CACNA1C: variants seen among roughly 807,000 people sequenced by gnomAD.
CACNA1C encodes voltage-dependent L-type calcium channel subunit alpha-1C.
A neutral mutation model predicts 229.0 loss-of-function variants in CACNA1C; 30 were observed. The ratio of observed to expected loss-of-function variants is 0.13; its 90% CI spans 0.10 to 0.18. The LOEUF (loss-of-function observed/expected upper bound fraction) is 0.18, where lower values mean the gene tolerates loss of function less well. Ranked by LOEUF, CACNA1C falls within the 10% of genes least tolerant of loss-of-function variation. CACNA1C has a pLI of 1.00. For missense variants in CACNA1C, 1,658 were observed against 2,845.0 expected, an observed-to-expected ratio of 0.58 and a Z score of 9.49; for synonymous variants, 1,114 against 1,132.5, an observed-to-expected ratio of 0.98 and a Z score of 0.33.
At chr12:2,005,467 AAAAT>A (rs1188140058) in intron 1 of CACNA1C, among the ~76,000 whole-genome samples, 1 of 152,254 alleles carries the variant, frequency 6.6e-6, no homozygotes, top group Admixed American at 6.5e-5. Context: ...CATTTTTCTG[AAAAT>A]AAATAAAGTG....
At chr12:2,175,483 G>T (rs764850498) in intron 3 of CACNA1C, among the ~76,000 whole-genome samples, 1 of 149,826 alleles carries the variant, frequency 6.7e-6, no homozygotes, top group South Asian at 2.2e-4. Context: ...TTCAGGTTCC[G>T]TTTGTTTTGA....
intron 5 of CACNA1C, among the ~76,000 whole-genome samples, chr12:2,474,055 TAGAG>T (rs1393559885): frequency 6.6e-6 from 1 of 152,120 alleles, no homozygotes; most frequent in East Asian, 1.9e-4. Context: ...AAAAAATCAT[TAGAG>T]AGGTATAATT....
intron 1 of CACNA1C, among the ~76,000 whole-genome samples, chr12:2,095,894 C>T (rs2073728733): frequency 6.6e-6 from 1 of 152,202 alleles, no homozygotes; most frequent in Non-Finnish European, 1.5e-5. Flanking sequence ...TTTCATCATT[C>T]ACCATCATTG....
rs2097838010 is a variant in CACNA1C at position 2,695,809 on chromosome 12, CT to C, written c.*4614del. ...TTATTCTTATGTCAAAGCAATGAAA[CT>C]TTTCTTTCTGGAGCCAGATACCAAT... On this transcript the variant is annotated 3_prime_UTR_variant, in exon 47 of 47. Transcript: ENST00000399655. 1 of 152,192 alleles carries C rather than the reference CT, an allele frequency of 6.6e-6. No individual in the cohort carries two copies. Among genetic ancestry groups the C allele is most frequent in the Admixed American group, 6.5e-5 (1 of 15,282 alleles). The allele number at this position is 152,192 out of a possible 1,614,324, so 9.4% of individuals were successfully genotyped here. A position where few individuals can be genotyped will look rare whatever the true frequency, so the allele number is the denominator to read the frequency against.
rs189188916 is a variant in CACNA1C at position 2,178,674 on chromosome 12, C to T, written c.477+58244C>T. Among the ~76,000 whole-genome samples the T allele has an allele frequency of 1.3e-4, 20 of 152,246 alleles. No individual in the cohort carries two copies. In the East Asian group the frequency reaches 3.7e-3, roughly 28 times the overall value. ...CTTCCTTCATGACCGGGTTCCCACT[C>T]GGGAGCCTTTGGAACCGCTTGAGTA... On this transcript the variant is annotated intron_variant, in intron 3 of 46. Transcript: ENST00000399655.
intron 3 of CACNA1C, among the ~76,000 whole-genome samples, chr12:2,286,825 C>T (rs1469304183): frequency 1.3e-5 from 2 of 152,220 alleles, no homozygotes; most frequent in African/African-American, 4.8e-5. Context: ...GAGCAATGCT[C>T]ATAACAGGAG....
Position 2,654,308 on chromosome 12 carries a change from A to G in CACNA1C, c.4140+408A>G. The stretch of plus-strand genomic sequence containing the variant: ...GTCTGATGGGCCTGAGAGTTACCCC[A>G]ACCAGATTCATTTGAAGCTAATGGC... On this transcript the variant is annotated intron_variant, in intron 33 of 46. Transcript: ENST00000399655. The surrounding 1 kb of genome is among the most constrained non-coding windows in gnomAD (Gnocchi z 4.4). Among the ~76,000 whole-genome samples, 1 of 152,290 alleles carries G rather than the reference A, an allele frequency of 6.6e-6. No individual in the cohort carries two copies. Among genetic ancestry groups the G allele is most frequent in the Non-Finnish European group, 1.5e-5 (1 of 68,010 alleles).
At position 2,595,821 on chromosome 12, in the gene CACNA1C, C is replaced by A; in HGVS notation, c.2664-53C>A. 1 of 1,586,546 alleles carries A rather than the reference C, an allele frequency of 6.3e-7. No individual in the cohort carries two copies. The highest frequency in any genetic ancestry group is 8.6e-7 in the Non-Finnish European group (1 of 1,162,684). ...AGGGGCTCCCAAGAGCCGACTGGTG[C>A]TTCCCCTTGTCTGCCTTGACTTGTC... On this transcript the variant is annotated intron_variant, in intron 19 of 46. Coordinates refer to ENST00000399655, the MANE Select transcript of CACNA1C (RefSeq NM_000719.7). This position sits in a 1 kb window ranked among gnomAD's most constrained non-coding sequence, Gnocchi z 4.1.
chr12:2,122,210 A>G (rs2239135), intron 3 of CACNA1C, among the ~76,000 whole-genome samples: 99,570 of 151,598 alleles, frequency 0.66, 33,031 homozygotes, highest in Non-Finnish European at 0.7. Flanking sequence ...ATCACATCAC[A>G]GAGTGATGGA....
intron 3 of CACNA1C, among the ~76,000 whole-genome samples, chr12:2,162,165 C>T (rs2095897682): frequency 1.3e-5 from 2 of 152,104 alleles, no homozygotes; most frequent in African/African-American, 4.8e-5. Context: ...TCCAGGGCCT[C>T]TCAGGACACA....
chr12:2,364,618 T>C (rs1241592042), intron 3 of CACNA1C, among the ~76,000 whole-genome samples: 2 of 152,214 alleles, frequency 1.3e-5, no homozygotes, highest in African/African-American at 4.8e-5. Context: ...ACTCTTGCCA[T>C]GGGCTGCTGA....
intron 3 of CACNA1C, among the ~76,000 whole-genome samples, chr12:2,343,334 A>C (rs1224289420): frequency 6.6e-6 from 1 of 152,192 alleles, no homozygotes; most frequent in Non-Finnish European, 1.5e-5. Flanking sequence ...GCTGTTCACA[A>C]CCTTTTTCTT....
intron 3 of CACNA1C, among the ~76,000 whole-genome samples, 198 bp from the exon 4 acceptor site, chr12:2,448,778 T>G (rs1347161683): frequency 6.6e-6 from 1 of 151,522 alleles, no homozygotes; most frequent in Non-Finnish European, 1.5e-5. Context: ...AAAAAAATCC[T>G]GTAATCCCCA....
intron 10 of CACNA1C, among the ~76,000 whole-genome samples, chr12:2,552,864 G>A (rs2042069338): frequency 6.6e-6 from 1 of 152,142 alleles, no homozygotes. Context: ...AAGAGGAGTA[G>A]CATGAGTGTG....
In CACNA1C at chr12:2,174,816, A is replaced by T. The variant is rs551880479; in HGVS notation, c.477+54386A>T. 3.9e-5 allele frequency among the ~76,000 whole-genome samples: 6 copies of T among 152,370 alleles called. No individual in the cohort carries two copies. The South Asian group carries it at 1.2e-3, about 32-fold the overall frequency. ...ATTATTTAGTGTATTCTTACAATAA[A>T]GTAGGCTAGAGAAAAGCAAATGTCA... On this transcript the variant is annotated intron_variant, in intron 3 of 46. Coordinates refer to ENST00000399655, the MANE Select transcript of CACNA1C (RefSeq NM_000719.7).
intron 3 of CACNA1C, among the ~76,000 whole-genome samples, chr12:2,414,292 T>C (rs2098841187): frequency 6.6e-6 from 1 of 152,254 alleles, no homozygotes; most frequent in African/African-American, 2.4e-5. Context: ...TCAATATTTC[T>C]TTTAAAAGGA....
chr12:2,118,858 G>A (rs573285754), intron 2 of CACNA1C, among the ~76,000 whole-genome samples: 1 of 152,334 alleles, frequency 6.6e-6, no homozygotes, highest in East Asian at 1.9e-4. Flanking sequence ...CCCCTGCAAA[G>A]TTGGGAGATT....
rs950206115 is a variant in CACNA1C at position 2,654,466 on chromosome 12, C to T, written c.4140+566C>T. Among the ~76,000 whole-genome samples the T allele has an allele frequency of 2.0e-5, 3 of 152,224 alleles. No individual in the cohort carries two copies. The highest frequency in any genetic ancestry group is 4.4e-5 in the Non-Finnish European group (3 of 68,034). ...TGCACCATTCACCGCAAACCTAGGGCTCTCCATTCCCGTCTTGGGGCTCCA... is the reference window on the plus strand; with the variant it reads ...TGCACCATTCACCGCAAACCTAGGGTTCTCCATTCCCGTCTTGGGGCTCCA... On this transcript the variant is annotated intron_variant, in intron 33 of 46. Transcript: ENST00000399655. This position sits in a 1 kb window ranked among gnomAD's most constrained non-coding sequence, Gnocchi z 4.4.
At chr12:2,432,326 G>A (rs1217828030) in intron 3 of CACNA1C, among the ~76,000 whole-genome samples, 2 of 152,190 alleles carry the variant, frequency 1.3e-5, no homozygotes, top group South Asian at 2.1e-4. Flanking sequence ...GAAAGGAAGT[G>A]GATGGAGGGT....
Sources: gnomAD v4.1 joint callset for allele counts (sites outside exome capture counted in the v4.1 genomes callset) on GRCh38, gnomAD v4.1.1 for gene constraint, Gnocchi (gnomAD v3.1) non-coding constraint, MANE v1.5 for transcripts, NCBI Gene and HGNC (gene_info 2026-07-23, HGNC 2026-07-21) for gene names.